Variants in GGA1 observed in about 807,000 individuals in gnomAD.
The protein encoded by GGA1 is golgi associated, gamma adaptin ear containing, ARF binding protein 1, also known as ADP-ribosylation factor-binding protein GGA1.
GGA1 carries 18 observed loss-of-function variants against 76.9 expected under a neutral mutation model. That is an observed-to-expected ratio of 0.23 (90% CI 0.16 to 0.35). The LOEUF is 0.35. GGA1 is among the 10% of genes least tolerant of loss of function. GGA1 has a pLI of 1.00. For missense variants in GGA1, 755 were observed against 859.0 expected (o/e 0.88, Z 1.51); for synonymous variants, 342 against 354.7 (o/e 0.96, Z 0.40).
At position 37,619,826 on chromosome 22, in the gene GGA1, C is replaced by T. The variant is rs746264429; in HGVS notation, c.304-412C>T. 11 of 777,856 alleles carry T rather than the reference C, an allele frequency of 1.4e-5. No individual in the cohort carries two copies. In the Admixed American group the frequency reaches 1.9e-4, roughly 13 times the overall value. 48.2% of individuals were successfully genotyped at this position (777,856 alleles called of 1,614,324 possible). ...GGACTCTGCTGTGAGAGCCACTTTC[C>T]CCAGCCCAGTTTGCTGCTAGGAGAC... On this transcript the variant is annotated intron_variant, in intron 4 of 16. Transcript: ENST00000343632.
chr22:37,617,279 C>T, intron 3 of GGA1: 2 of 1,329,106 alleles, frequency 1.5e-6, no homozygotes, highest in Non-Finnish European at 1.9e-6. Flanking sequence ...GCTGCCTCTC[C>T]AGGAAGCGTG....
At chr22:37,611,605 G>T (rs1601493490) in intron 1 of GGA1, among the ~76,000 whole-genome samples, 1 of 152,296 alleles carries the variant, frequency 6.6e-6, no homozygotes, top group South Asian at 2.1e-4. Context: ...GGATTCCAGG[G>T]CTTTGGGCCC....
Position 37,625,057 on chromosome 22 carries a change from C to T in GGA1, c.921C>T (p.Ala307=), listed in dbSNP as rs150855977. ...GGGGTGAGGAGGTCAACGGTGATGC[C>T]ACAGCCGGCTCCATCCCTGGTGAGG... The part of the protein sequence containing the change: ...LVRGEEVNGD[A]TAGSIPGSTS... Residue 307 remains alanine (A), a synonymous_variant, in exon 10 of 17, where the codon GCC becomes GCT. Transcript: ENST00000343632. The surrounding 1 kb of genome is among the most constrained non-coding windows in gnomAD (Gnocchi z 4.1). 4 of 1,597,184 alleles carry T rather than the reference C, an allele frequency of 2.5e-6. No homozygotes were observed. In the African/African-American group the frequency reaches 5.3e-5, roughly 21 times the overall value.
In GGA1 at chr22:37,623,745, G is replaced by T. The variant is rs555752339; in HGVS notation, c.832+112G>T. 1 of 775,280 alleles carries T rather than the reference G, an allele frequency of 1.3e-6. No homozygotes were observed. The highest frequency in any genetic ancestry group is 1.7e-5 in the African/African-American group (1 of 58,064). 48.0% of individuals were successfully genotyped at this position (775,280 alleles called of 1,614,324 possible). A position where few individuals can be genotyped will look rare whatever the true frequency, so the allele number is the denominator to read the frequency against. On this transcript the variant is annotated intron_variant, in intron 9 of 16. Transcript: ENST00000343632. This position sits in a 1 kb window ranked among gnomAD's most constrained non-coding sequence, Gnocchi z 4.6. ...GCAGTTGGAAGGAGCCACCACCAGGGGGCCCCCTTCTCCAGCACCGACCTT... is the reference window on the plus strand; with the variant it reads ...GCAGTTGGAAGGAGCCACCACCAGGTGGCCCCCTTCTCCAGCACCGACCTT...
Position 37,617,876 on chromosome 22 carries a change from C to G in GGA1, c.205-572C>G, listed in dbSNP as rs1046388742. 2.4e-5 allele frequency: 11 copies of G among 452,134 alleles called. No homozygotes were observed. In the South Asian group the frequency reaches 4.7e-4, roughly 19 times the overall value. The allele number at this position is 452,134 out of a possible 1,614,324, so 28.0% of individuals were successfully genotyped here. A position where few individuals can be genotyped will look rare whatever the true frequency, so the allele number is the denominator to read the frequency against. On this transcript the variant is annotated intron_variant, in intron 3 of 16. Transcript: ENST00000343632. ...GTGGCTCACGCCTGTAATCCCAGCA[C>G]TTTGGCAGGCTGAGGCGGGCAGATC...
rs1374620931 is a variant in GGA1 at position 37,623,484 on chromosome 22, G to A, written c.750+17G>A. 1 of 1,613,704 alleles carries A rather than the reference G, an allele frequency of 6.2e-7. No homozygotes were observed. The highest frequency in any genetic ancestry group is 1.7e-5 in the Admixed American group (1 of 60,034). ...CTCATGAAGGTGCACCTGCCTCCCT[G>A]CCTACCCCACTCCCTGCCCACTCCA... is the stretch of plus-strand genomic sequence containing the variant. On this transcript the variant is annotated intron_variant, in intron 8 of 16. Coordinates refer to ENST00000343632, the MANE Select transcript of GGA1 (RefSeq NM_013365.5). The surrounding 1 kb of genome is among the most constrained non-coding windows in gnomAD (Gnocchi z 4.6).
chr22:37,622,503 G>A (rs111681115), intron 7 of GGA1, among the ~76,000 whole-genome samples: 255 of 149,318 alleles, frequency 1.7e-3, no homozygotes, highest in African/African-American at 5.9e-3. Context: ...CTGCAGCCTC[G>A]ACCTCCTGGG....
chr22:37,616,681 C>G (rs938596893), intron 2 of GGA1, among the ~76,000 whole-genome samples: 1 of 152,224 alleles, frequency 6.6e-6, no homozygotes, highest in Non-Finnish European at 1.5e-5. Flanking sequence ...CAGTCTCTGT[C>G]TGGCCCTGCC....
chr22:37,623,382 A>G lies in GGA1; in HGVS notation c.665A>G (p.Asn222Ser), dbSNP rs1231432129. 1.2e-6 allele frequency: 2 copies of G among 1,613,988 alleles called. No individual in the cohort carries two copies. Among genetic ancestry groups the G allele is most frequent in the East Asian group, 2.2e-5 (1 of 44,890 alleles). Residue 222 changes from asparagine to serine, a missense_variant, in exon 8 of 17, where the codon AAC becomes AGC. Transcript: ENST00000343632. This position sits in a 1 kb window ranked among gnomAD's most constrained non-coding sequence, Gnocchi z 4.6. ...SKRVNAIEEVNNNVKLLTEMV... is the reference protein window; with the variant it reads ...SKRVNAIEEVSNNVKLLTEMV... Reference sequence around the variant, plus strand: ...AGGGTGAATGCCATCGAGGAGGTGAACAACAATGTGAAACTGCTCACGGAG... The same window carrying G: ...AGGGTGAATGCCATCGAGGAGGTGAGCAACAATGTGAAACTGCTCACGGAG...
In GGA1 at chr22:37,632,571, A is replaced by AC; in HGVS notation, c.1810-26dup. On this transcript the variant is annotated intron_variant, in intron 16 of 16. Coordinates refer to ENST00000343632, the MANE Select transcript of GGA1 (RefSeq NM_013365.5). The surrounding 1 kb of genome is among the most constrained non-coding windows in gnomAD (Gnocchi z 5.1). ...GGGGACGGCCACTTCTCCTCCTCTGACCCCTCTGCCTTTGCCATCTCTTCC... is the reference window on the plus strand; with the variant it reads ...GGGGACGGCCACTTCTCCTCCTCTGACCCCCTCTGCCTTTGCCATCTCTTCC... 1 of 1,587,038 alleles carries AC rather than the reference A, an allele frequency of 6.3e-7. No homozygotes were observed. The highest frequency in any genetic ancestry group is 8.7e-7 in the Non-Finnish European group (1 of 1,155,692).
chr22:37,620,766 T>C (rs1359184948), intron 5 of GGA1, 47 bp from the exon 6 acceptor site: 1 of 1,170,198 alleles, frequency 8.5e-7, no homozygotes, highest in Non-Finnish European at 1.3e-6. Flanking sequence ...CCCCTACCCC[T>C]GGGCCTGGGA....
intron 1 of GGA1, chr22:37,612,852 T>G: frequency 3.4e-6 from 3 of 873,246 alleles, no homozygotes; most frequent in Non-Finnish European, 4.1e-6. Flanking sequence ...GTAAGCTAGA[T>G]TGTTGTTTAA....
intron 1 of GGA1, chr22:37,609,328 T>C: frequency 2.7e-6 from 3 of 1,102,112 alleles, no homozygotes; most frequent in Non-Finnish European, 3.3e-6. Flanking sequence ...TCCTCCACTC[T>C]CTGGCCCTGC....
rs752730817 is a variant in GGA1 at position 37,623,669 on chromosome 22, C to G, written c.832+36C>G. 6.5e-6 allele frequency: 9 copies of G among 1,375,772 alleles called. No individual in the cohort carries two copies. The East Asian group carries it at 7.4e-5, about 11-fold the overall frequency. The allele number at this position is 1,375,772 out of a possible 1,614,324, so 85.2% of individuals were successfully genotyped here. A position where few individuals can be genotyped will look rare whatever the true frequency, so the allele number is the denominator to read the frequency against. On this transcript the variant is annotated intron_variant, in intron 9 of 16. Transcript: ENST00000343632. The surrounding 1 kb of genome is among the most constrained non-coding windows in gnomAD (Gnocchi z 4.6). ...GGCAGGTGCTGAGGTCAGGTCCCCC[C>G]CTCTCCCTCCACCTCCTGCCCCCAC...
Position 37,632,198 on chromosome 22 carries a change from T to A in GGA1, c.1698+33T>A. ...GCCAGTCGGACAGGGCATGCCTCCC[T>A]CCTCTCAAGGCAGGGTGACATGGAG... is the stretch of plus-strand genomic sequence containing the variant. On this transcript the variant is annotated intron_variant, in intron 15 of 16. Transcript: ENST00000343632. The surrounding 1 kb of genome is among the most constrained non-coding windows in gnomAD (Gnocchi z 5.1). 6.3e-7 allele frequency: 1 copy of A among 1,589,322 alleles called. No homozygotes were observed. The highest frequency in any genetic ancestry group is 1.3e-5 in the African/African-American group (1 of 74,664).
chr22:37,609,587 C>T (rs949779492), intron 1 of GGA1, among the ~76,000 whole-genome samples: 4 of 152,298 alleles, frequency 2.6e-5, no homozygotes, highest in Middle Eastern at 6.8e-3. Context: ...GCTGAACTTC[C>T]TTCAAAGGCT....
At chr22:37,631,883 G>T in intron 14 of GGA1, 113 bp from the exon 15 acceptor site, 1 of 831,864 alleles carries the variant, frequency 1.2e-6, no homozygotes, top group East Asian at 2.7e-5. Flanking sequence ...GGAGGACTTT[G>T]CTCTTGTTGC....
chr22:37,612,628 G>T (rs1458031504), intron 1 of GGA1: 2 of 149,698 alleles, frequency 1.3e-5, no homozygotes, highest in Non-Finnish European at 3.0e-5. Context: ...AAAAAAATTA[G>T]CCGGGCGTGG....
At chr22:37,622,208 C>T (rs1930026578) in intron 7 of GGA1, among the ~76,000 whole-genome samples, 1 of 143,086 alleles carries the variant, frequency 7.0e-6, no homozygotes, top group African/African-American at 2.6e-5. Flanking sequence ...CCTCCCAGGC[C>T]GCTGGCACTA....
Sources: gnomAD v4.1 joint callset for allele counts (sites outside exome capture counted in the v4.1 genomes callset) on GRCh38, gnomAD v4.1.1 for gene constraint, Gnocchi (gnomAD v3.1) non-coding constraint, MANE v1.5 for transcripts, NCBI Gene and HGNC (gene_info 2026-07-23, HGNC 2026-07-21) for gene names.